The following CLPP variants were observed in gnomAD, a reference collection of about 807,000 sequenced individuals.
The protein encoded by CLPP is caseinolytic mitochondrial matrix peptidase proteolytic subunit.
A neutral mutation model predicts 27.4 loss-of-function variants in CLPP; 14 were observed. The observed-to-expected ratio is 0.51, with a 90% CI of 0.34 to 0.80. The LOEUF (loss-of-function observed/expected upper bound fraction) is 0.80, where lower values mean the gene tolerates loss of function less well. Among genes scored for constraint, CLPP ranks in the 30% least tolerant of loss-of-function variants. The pLI is 0.02. For synonymous variants in CLPP, 193 were observed against 166.6 expected (o/e 1.16, Z -1.22); for missense variants, 361 against 403.6 (o/e 0.89, Z 0.90).
At chr19:6,368,272 G>A (rs1255992413) in intron 5 of CLPP, among the ~76,000 whole-genome samples, 2 of 152,010 alleles carry the variant, frequency 1.3e-5, no homozygotes, top group Non-Finnish European at 2.9e-5. Context: ...CCGCCTTCTC[G>A]CTGTGTCTTC....
rs2091880529 is a variant in CLPP at position 6,370,047 on chromosome 19, G to A, written c.*1337G>A. Among the ~76,000 whole-genome samples the A allele has an allele frequency of 6.6e-6, 1 of 152,186 alleles. No homozygotes were observed. ...CTAGCTAGGTGGGATGTGACAGAGA[G>A]CAGTTTCCAGAAACTCCGAGCTGAT... On this transcript the variant is annotated 3_prime_UTR_variant, in exon 6 of 6. Transcript: ENST00000245816.
At chr19:6,362,368 C>T in intron 2 of CLPP, 78 bp from the exon 3 acceptor site, 1 of 994,764 alleles carries the variant, frequency 1.0e-6, no homozygotes, top group South Asian at 1.3e-5. Context: ...TTCCTGGTTC[C>T]CTGACCCATC....
rs2091833626 is a variant in CLPP, at chr19:6,361,608, G to A, written c.34G>A (p.Val12Met). The change falls in exon 1 of 6, where the codon GTG (valine) becomes ATG (methionine). Residue 12 changes from valine to methionine, a missense_variant. Physicochemically the swap from Val to Met is conservative, Grantham distance 21. Transcript: ENST00000245816. Reference protein sequence around the residue: ...WPGILVGGARVASCRYPALGP... With the variant: ...WPGILVGGARMASCRYPALGP... The stretch of plus-strand genomic sequence containing the variant: ...CGGAATATTGGTAGGGGGGGCCCGG[G>A]TGGCGTCATGCAGGTACCCCGCGCT... 1 of 1,414,540 alleles carries A rather than the reference G, an allele frequency of 7.1e-7. No individual in the cohort carries two copies. The highest frequency in any genetic ancestry group is 9.2e-7 in the Non-Finnish European group (1 of 1,083,524). 87.6% of individuals were successfully genotyped at this position (1,414,540 alleles called of 1,614,324 possible). A position where few individuals can be genotyped will look rare whatever the true frequency, so the allele number is the denominator to read the frequency against.
At chr19:6,364,685 C>G (rs757842235) in intron 4 of CLPP, 46 bp downstream of exon 4, 13 of 1,545,170 alleles carry the variant, frequency 8.4e-6, no homozygotes, top group East Asian at 2.3e-5. Context: ...AGGACAGGGT[C>G]TAGACAGAAG....
chr19:6,366,106 G>C, intron 4 of CLPP, 152 bp from the exon 5 acceptor site: 1 of 603,506 alleles, frequency 1.7e-6, no homozygotes. Context: ...GACTGAAGCA[G>C]GATATCGGGG....
rs750196166 is a variant in CLPP at position 6,364,453 on chromosome 19, T to C, written c.369T>C (p.Gly123=). 1.7e-5 allele frequency: 28 copies of C among 1,605,462 alleles called. 3 individuals carry two copies. The Admixed American group carries it at 2.2e-4, about 13-fold the overall frequency. The change falls in exon 4 of 6, where the codon GGT becomes GGC. Residue 123 remains glycine (G), a splice_region_variant and synonymous_variant. Transcript: ENST00000245816. ...CCTCACTTGCTCCCCCGCCCACAGG[T>C]GGTGTGGTGACCGCGGGCCTGGCCA... ...KPIHMYINSP[G]GVVTAGLAIY... is the part of the protein sequence containing the mutation.
chr19:6,363,835 C>A (rs2091848140), intron 3 of CLPP, among the ~76,000 whole-genome samples: 1 of 148,646 alleles, frequency 6.7e-6, no homozygotes, highest in South Asian at 2.2e-4. Context: ...GTGGAGGTTG[C>A]AGTGAGCTGA....
At chr19:6,366,420 C>A in intron 5 of CLPP, 57 bp downstream of exon 5, 1 of 1,371,062 alleles carries the variant, frequency 7.3e-7, no homozygotes, top group Non-Finnish European at 1.0e-6. Context: ...AGGCGTTGCT[C>A]TAAGCCAGGG....
rs1568321307 is a variant in CLPP at position 6,361,545 on chromosome 19, G to A, written c.-30G>A. ...CGCCGGAAGCTGTAGTTCCGCCATC[G>A]GACGGAAGCCGACCGGGGCGTGCGG... On this transcript the variant is annotated 5_prime_UTR_variant, in exon 1 of 6. Coordinates refer to ENST00000245816, the MANE Select transcript of CLPP (RefSeq NM_006012.4). The A allele has an allele frequency of 3.6e-6, 5 of 1,375,996 alleles. No homozygotes were observed. Among genetic ancestry groups the A allele is most frequent in the Non-Finnish European group, 4.7e-6 (5 of 1,059,568 alleles). The allele number at this position is 1,375,996 out of a possible 1,614,324, so 85.2% of individuals were successfully genotyped here.
chr19:6,368,484 GC>G (rs1441283977), intron 5 of CLPP, 53 bp from the exon 6 acceptor site: 3 of 1,590,248 alleles, frequency 1.9e-6, no homozygotes, highest in Non-Finnish European at 2.6e-6. Flanking sequence ...CCCAGACCTG[GC>G]CCTGGGTCTC....
At position 6,368,922 on chromosome 19, in the gene CLPP, C is replaced by G; in HGVS notation, c.*212C>G. ...GTCTTTGCTCTGCGTCTGGGACACC[C>G]TCCCTTCTGCACCATGACAGCGTGT... is the stretch of plus-strand genomic sequence containing the variant. On this transcript the variant is annotated 3_prime_UTR_variant, in exon 6 of 6. Coordinates refer to ENST00000245816, the MANE Select transcript of CLPP (RefSeq NM_006012.4). The G allele has an allele frequency of 1.7e-6, 1 of 582,142 alleles. No homozygotes were observed. The highest frequency in any genetic ancestry group is 3.1e-6 in the Non-Finnish European group (1 of 326,708). The allele number at this position is 582,142 out of a possible 1,614,324, so 36.1% of individuals were successfully genotyped here.
chr19:6,362,180 T>C (rs2091838477), intron 2 of CLPP: 14 of 584,652 alleles, frequency 2.4e-5, no homozygotes, highest in Non-Finnish European at 2.7e-5. Context: ...GCTCCCCTCA[T>C]TCCTACGCTC....
At position 6,370,041 on chromosome 19, in the gene CLPP, C is replaced by T. The variant is rs1429947244; in HGVS notation, c.*1331C>T. Among the ~76,000 whole-genome samples, 1 of 152,134 alleles carries T rather than the reference C, an allele frequency of 6.6e-6. No homozygotes were observed. The highest frequency in any genetic ancestry group is 1.5e-5 in the Non-Finnish European group (1 of 68,040). On this transcript the variant is annotated 3_prime_UTR_variant, in exon 6 of 6. Coordinates refer to ENST00000245816, the MANE Select transcript of CLPP (RefSeq NM_006012.4). ...CAGATTCTAGCTAGGTGGGATGTGA[C>T]AGAGAGCAGTTTCCAGAAACTCCGA...
rs73563854 is a variant in CLPP, at chr19:6,369,845, A to G, written c.*1135A>G. Among the ~76,000 whole-genome samples, 8,214 of 152,158 alleles carry G rather than the reference A, an allele frequency of 0.054. 546 individuals carry two copies. Among genetic ancestry groups the G allele is most frequent in the African/African-American group, 0.16 (6,705 of 41,490 alleles). On this transcript the variant is annotated 3_prime_UTR_variant, in exon 6 of 6. Transcript: ENST00000245816. ...GAGAATAGATCATAAAAGGCCTGAC[A>G]TCTAAAAGGAGGGATGTGAACCATG...
Position 6,364,552 on chromosome 19 carries a change from C to A in CLPP, c.468C>A (p.Ser156=). Residue 156 remains serine (S), a synonymous_variant, in exon 4 of 6, where the codon TCC becomes TCA. Transcript: ENST00000245816. ...TGGGCCAGGCCGCCAGCATGGGCTCCCTGCTTCTCGCCGCCGGCACCCCAG... is the reference window on the plus strand; with the variant it reads ...TGGGCCAGGCCGCCAGCATGGGCTCACTGCTTCTCGCCGCCGGCACCCCAG... The part of the protein sequence containing the change: ...WCVGQAASMG[S]LLLAAGTPGM... 6.2e-7 allele frequency: 1 copy of A among 1,613,128 alleles called. No homozygotes were observed. The highest frequency in any genetic ancestry group is 8.5e-7 in the Non-Finnish European group (1 of 1,179,860).
In CLPP at chr19:6,364,030, A is replaced by ATT. The variant is rs552499372; in HGVS notation, c.368-405_368-404dup. 5.4e-3 allele frequency among the ~76,000 whole-genome samples: 726 copies of ATT among 135,084 alleles called. 9 individuals carry two copies. The highest frequency in any genetic ancestry group is 0.019 in the African/African-American group (674 of 34,818). 88.6% of individuals were successfully genotyped at this position (135,084 alleles called of 152,430 possible). ...GTGAAAGCAGTGAAACCCAGTCTTAATTTTTTTTTTTTTTTTTTGAGATGG... is the reference window on the plus strand; with the variant it reads ...GTGAAAGCAGTGAAACCCAGTCTTAATTTTTTTTTTTTTTTTTTTTGAGATGG... On this transcript the variant is annotated intron_variant, in intron 3 of 5. Coordinates refer to ENST00000245816, the MANE Select transcript of CLPP (RefSeq NM_006012.4).
intron 1 of CLPP, 39 bp from the exon 2 acceptor site, chr19:6,361,830 G>A: frequency 1.4e-6 from 2 of 1,437,946 alleles, no homozygotes; most frequent in Non-Finnish European, 1.8e-6. Flanking sequence ...GGGATCGGCT[G>A]GCTGCCCCGG....
In CLPP at chr19:6,368,566, G is replaced by A. The variant is rs755421614; in HGVS notation, c.690G>A (p.Met230Ile). ...IESAMERDRY[M>I]SPMEAQEFGI... Reference sequence around the variant, plus strand: ...CCGCCATGGAGAGGGACCGCTACATGAGCCCCATGGAGGCCCAGGAGTTTG... The same window carrying A: ...CCGCCATGGAGAGGGACCGCTACATAAGCCCCATGGAGGCCCAGGAGTTTG... The change falls in exon 6 of 6, where the codon ATG becomes ATA. Residue 230 changes from methionine to isoleucine, a missense_variant. By Grantham distance (10) the Met-to-Ile change is conservative (BLOSUM62 1). This residue lies in a region of CLPP where 213 missense variants were observed against 280.9 expected (regional missense o/e 0.76). Transcript: ENST00000245816. The A allele has an allele frequency of 3.1e-6, 5 of 1,614,074 alleles. No individual in the cohort carries two copies. Among genetic ancestry groups the A allele is most frequent in the Non-Finnish European group, 4.2e-6 (5 of 1,180,012 alleles).
At chr19:6,366,940 T>C (rs2091865445) in intron 5 of CLPP, among the ~76,000 whole-genome samples, 1 of 151,694 alleles carries the variant, frequency 6.6e-6, no homozygotes, top group Admixed American at 6.6e-5. Context: ...CATAATTTTA[T>C]TAAAATCAAA....
Sources: gnomAD v4.1 joint callset for allele counts (sites outside exome capture counted in the v4.1 genomes callset) on GRCh38, gnomAD v4.1.1 for gene constraint, gnomAD v4.1.1 regional missense constraint, MANE v1.5 for transcripts, NCBI Gene and HGNC (gene_info 2026-07-23, HGNC 2026-07-21) for gene names.